The following TRDN variants were observed in gnomAD, a reference collection of about 807,000 sequenced individuals.
TRDN encodes triadin in skeletal muscle.
Under a neutral mutation model 149.7 loss-of-function variants are expected in TRDN, and 161 were observed. That is an observed-to-expected ratio of 1.08 (90% CI 0.95 to 1.23). The LOEUF is 1.23. TRDN is among the 50% of genes most tolerant of loss of function. The pLI is 0.00. For missense variants in TRDN, 896 were observed against 823.5 expected (o/e 1.09, Z -1.08); for synonymous variants, 294 against 250.5 (o/e 1.17, Z -1.64).
In TRDN at chr6:123,555,346, A is replaced by G. The variant is rs1379510347; in HGVS notation, c.233-6734T>C. ...CGTTCTTATTTTCTGTTTTATTTCA[A>G]ATTGAAAGTAAAGACAAAATTAGAG... On this transcript the variant is annotated intron_variant, in intron 2 of 40. Transcript: ENST00000334268. Among the ~76,000 whole-genome samples the G allele has an allele frequency of 2.6e-5, 4 of 152,054 alleles. No homozygotes were observed. The East Asian group carries it at 7.7e-4, about 29-fold the overall frequency.
intron 37 of TRDN, 58 bp downstream of exon 37, chr6:123,255,023 C>T: frequency 5.2e-6 from 5 of 952,528 alleles, no homozygotes; most frequent in African/African-American, 1.6e-5. Flanking sequence ...TAATATTAAG[C>T]AACAACATAA....
intron 16 of TRDN, 99 bp downstream of exon 16, chr6:123,381,271 A>G: frequency 8.7e-7 from 1 of 1,143,964 alleles, no homozygotes; most frequent in Non-Finnish European, 1.3e-6. Context: ...CATAAAACAT[A>G]GGAAAAGCGG....
rs1554236915 is a variant in TRDN at position 123,433,162 on chromosome 6, A to AATAT, written c.1051+4897_1051+4900dup. On this transcript the variant is annotated intron_variant, in intron 12 of 40. Transcript: ENST00000334268. ...ATCATAAATATATATATATATATAT[A>AATAT]ATATATATATATATATATATACATC... Among the ~76,000 whole-genome samples, 31 of 80,034 alleles carry AATAT rather than the reference A, an allele frequency of 3.9e-4. 1 individual carries two copies. The highest frequency in any genetic ancestry group is 3.1e-3 in the Admixed American group (23 of 7,394). 52.5% of individuals were successfully genotyped at this position (80,034 alleles called of 152,430 possible).
intron 32 of TRDN, among the ~76,000 whole-genome samples, chr6:123,266,297 TATATATAATTATATGTA>T (rs1472116476): frequency 1.5e-4 from 16 of 109,286 alleles, no homozygotes; most frequent in Non-Finnish European, 2.7e-4. Context: ...TAATATGTAT[TATATATAATTATATGTA>T]ATATGTATTA....
At chr6:123,255,765 C>T in intron 36 of TRDN, 102 bp downstream of exon 36, 1 of 678,974 alleles carries the variant, frequency 1.5e-6, no homozygotes, top group Non-Finnish European at 2.2e-6. Context: ...TCATCACATA[C>T]ATTTAGAAAA....
At chr6:123,378,214 G>A (rs1201630343) in intron 16 of TRDN, among the ~76,000 whole-genome samples, 3 of 152,066 alleles carry the variant, frequency 2.0e-5, no homozygotes, top group Middle Eastern at 3.2e-3. Context: ...TATTATATTA[G>A]ATCAATATGA....
At chr6:123,274,591 A>G in intron 27 of TRDN, 50 bp downstream of exon 27, 1 of 1,524,940 alleles carries the variant, frequency 6.6e-7, no homozygotes, top group Non-Finnish European at 9.0e-7. Context: ...TACTTAATAA[A>G]ATAAAGATAA....
chr6:123,434,941 CCAT>C (rs940339608), intron 12 of TRDN, among the ~76,000 whole-genome samples: 2 of 151,696 alleles, frequency 1.3e-5, no homozygotes, highest in Non-Finnish European at 2.9e-5. Context: ...CATATAAAGC[CCAT>C]CCACCTACAA....
At chr6:123,352,120 A>G (rs1239214507) in intron 21 of TRDN, 24 of 983,532 alleles carry the variant, frequency 2.4e-5, no homozygotes, top group Non-Finnish European at 2.5e-5. Flanking sequence ...TAACTTTTAC[A>G]TATTTTTTTT....
intron 9 of TRDN, among the ~76,000 whole-genome samples, chr6:123,488,252 G>C (rs1197581641): frequency 6.6e-6 from 1 of 152,110 alleles, no homozygotes; most frequent in Non-Finnish European, 1.5e-5. Context: ...ACAGTTTGCT[G>C]TGAGAATTAA....
At chr6:123,472,662 C>A (rs1424991380) in intron 9 of TRDN, among the ~76,000 whole-genome samples, 3 of 152,250 alleles carry the variant, frequency 2.0e-5, no homozygotes, top group African/African-American at 7.2e-5. Context: ...GCAGTAACCT[C>A]TGCAGACTTA....
At chr6:123,530,116 G>T (rs536214353) in intron 5 of TRDN, among the ~76,000 whole-genome samples, 1 of 151,730 alleles carries the variant, frequency 6.6e-6, no homozygotes, top group South Asian at 2.1e-4. Flanking sequence ...CTACACCAAA[G>T]ATTGTAAAGA....
At chr6:123,570,495 G>A (rs573126022) in intron 2 of TRDN, among the ~76,000 whole-genome samples, 1 of 152,288 alleles carries the variant, frequency 6.6e-6, no homozygotes, top group South Asian at 2.1e-4. Flanking sequence ...GATGACAGCA[G>A]GGCTTAAAAA....
At chr6:123,395,574 G>A (rs1772687469) in intron 12 of TRDN, among the ~76,000 whole-genome samples, 1 of 152,068 alleles carries the variant, frequency 6.6e-6, no homozygotes, top group Non-Finnish European at 1.5e-5. Context: ...CTAAGACTTA[G>A]TTCCCTCCCT....
intron 6 of TRDN, among the ~76,000 whole-genome samples, chr6:123,515,438 T>C (rs886135932): frequency 6.6e-6 from 1 of 151,970 alleles, no homozygotes; most frequent in Middle Eastern, 3.2e-3. Context: ...ATTTAAACAC[T>C]ATGCAGCTTT....
Position 123,529,048 on chromosome 6 carries a change from C to T in TRDN, c.484+1458G>A, listed in dbSNP as rs75848919. On this transcript the variant is annotated intron_variant, in intron 5 of 40. Coordinates refer to ENST00000334268, the MANE Select transcript of TRDN (RefSeq NM_006073.4). ...TAAACCTACTCTACAGCCCACTGCT[C>T]GGTCTTTGACATCAGAATTCTAATA... 3.4e-3 allele frequency: 4,836 copies of T among 1,411,210 alleles called. 117 individuals carry two copies. The African/African-American group carries it at 0.056, about 16-fold the overall frequency. The allele number at this position is 1,411,210 out of a possible 1,614,324, so 87.4% of individuals were successfully genotyped here.
In TRDN at chr6:123,222,794, T is replaced by C. The variant is rs548990624; in HGVS notation, c.2015-1272A>G. Among the ~76,000 whole-genome samples, 3 of 151,826 alleles carry C rather than the reference T, an allele frequency of 2.0e-5. No homozygotes were observed. The East Asian group carries it at 5.9e-4, about 30-fold the overall frequency. On this transcript the variant is annotated intron_variant, in intron 39 of 40. Transcript: ENST00000334268. ...GATCTATAAAGCACTTAAACAAATT[T>C]ACAAGAAAAAAGCAAACAACCTCAT...
At chr6:123,511,097 T>C (rs1230086458) in intron 7 of TRDN, among the ~76,000 whole-genome samples, 1 of 152,208 alleles carries the variant, frequency 6.6e-6, no homozygotes, top group Non-Finnish European at 1.5e-5. Context: ...TTTCTTCAAG[T>C]AGTTTCATAG....
At chr6:123,407,565 C>CA (rs1444987122) in intron 12 of TRDN, among the ~76,000 whole-genome samples, 3 of 152,118 alleles carry the variant, frequency 2.0e-5, no homozygotes, top group Non-Finnish European at 2.9e-5. Context: ...CTAAGCTGCA[C>CA]ACTCCCATAA....
Sources: allele counts gnomAD v4.1 joint callset (sites outside exome capture counted in the v4.1 genomes callset), GRCh38; gene constraint gnomAD v4.1.1; transcripts MANE v1.5; gene names NCBI Gene and HGNC (gene_info 2026-07-23, HGNC 2026-07-21).